GLB1L3: variants seen among roughly 807,000 people sequenced by gnomAD.
GLB1L3 encodes beta-galactosidase-1-like protein 3.
A neutral mutation model predicts 89.5 loss-of-function variants in GLB1L3; 89 were observed. The ratio of observed to expected loss-of-function variants is 0.99; its 90% CI spans 0.84 to 1.19. The LOEUF (loss-of-function observed/expected upper bound fraction) is 1.19, where lower values mean the gene tolerates loss of function less well. Ranked by LOEUF, GLB1L3 falls within the 50% of genes most tolerant of loss-of-function variation. GLB1L3 has a pLI of 0.00. For synonymous variants in GLB1L3, 314 were observed against 312.3 expected (o/e 1.01, Z -0.06); for missense variants, 812 against 813.3 (o/e 1.00, Z 0.02).
intron 5 of GLB1L3, 43 bp from the exon 6 acceptor site, chr11:134,283,694 C>A: frequency 1.7e-6 from 2 of 1,203,256 alleles, no homozygotes; most frequent in South Asian, 1.3e-5. Flanking sequence ...GCTTCCCTCT[C>A]CCAACCCGTC....
chr11:134,298,045 A>C (rs904396221), intron 9 of GLB1L3, among the ~76,000 whole-genome samples: 1 of 151,840 alleles, frequency 6.6e-6, no homozygotes, highest in African/African-American at 2.4e-5. Flanking sequence ...GTTTCTGATG[A>C]GAAGTCAGTA....
chr11:134,308,631 C>CCACCAT (rs1565414793), intron 10 of GLB1L3, among the ~76,000 whole-genome samples: 94 of 136,496 alleles, frequency 6.9e-4, no homozygotes, highest in Non-Finnish European at 1.4e-3. Flanking sequence ...ACCACCATCA[C>CCACCAT]CATCAACACC....
intron 10 of GLB1L3, among the ~76,000 whole-genome samples, chr11:134,308,484 C>T (rs1315521083): frequency 1.3e-3 from 10 of 7,562 alleles, no homozygotes; most frequent in Non-Finnish European, 2.5e-3. Flanking sequence ...ATACCACCAC[C>T]ACCATCACCA....
At chr11:134,303,439 A>G (rs1254237977) in intron 9 of GLB1L3, among the ~76,000 whole-genome samples, 6 of 152,086 alleles carry the variant, frequency 3.9e-5, no homozygotes, top group Non-Finnish European at 5.9e-5. Flanking sequence ...GCTTCTTTTT[A>G]TGGATTCGAC....
intron 5 of GLB1L3, 63 bp from the exon 6 acceptor site, chr11:134,283,674 G>A (rs970986507): frequency 1.1e-6 from 1 of 911,908 alleles, no homozygotes; most frequent in Non-Finnish European, 1.7e-6. Context: ...GCAGCTCTGA[G>A]CCCACTCCTG....
At chr11:134,284,645 C>T (rs949664601) in intron 6 of GLB1L3, among the ~76,000 whole-genome samples, 5 of 152,094 alleles carry the variant, frequency 3.3e-5, no homozygotes, top group Non-Finnish European at 7.4e-5. Flanking sequence ...AAGAGAATCA[C>T]TTGAACCTGG....
At position 134,314,402 on chromosome 11, in the gene GLB1L3, G is replaced by A; in HGVS notation, c.1740G>A (p.Lys580=). 6.4e-7 allele frequency: 1 copy of A among 1,551,698 alleles called. No individual in the cohort carries two copies. Among genetic ancestry groups the A allele is most frequent in the Non-Finnish European group, 8.7e-7 (1 of 1,146,988 alleles). ...CGGCCTTCTACTGTGGGACCTTGAA[G>A]GCTGGCCCTTCTCCCAAGGACACCT... ...QGPAFYCGTL[K]AGPSPKDTFL... is the part of the protein sequence containing the mutation. The change falls in exon 18 of 20, where the codon AAG becomes AAA. Residue 580 remains lysine, a synonymous_variant. Coordinates refer to ENST00000431683, the MANE Select transcript of GLB1L3 (RefSeq NM_001080407.3).
rs148979023 is a variant in GLB1L3 at position 134,283,775 on chromosome 11, C to G, written c.566C>G (p.Thr189Ser). The change falls in exon 6 of 20, where the codon ACC becomes AGC. Residue 189 changes from threonine to serine, a missense_variant. Transcript: ENST00000431683. Reference sequence around the variant, plus strand: ...GACCCCCGGTTACTGTTGAGGACAACCAACAAGAGCTTCATTGAAGCAGTT... The same window carrying G: ...GACCCCCGGTTACTGTTGAGGACAAGCAACAAGAGCTTCATTGAAGCAGTT... ...LQDPRLLLRT[T>S]NKSFIEAVEK... 91 of 1,612,960 alleles carry G rather than the reference C, an allele frequency of 5.6e-5. No homozygotes were observed. The African/African-American group carries it at 1.0e-3, about 18-fold the overall frequency.
chr11:134,313,440 C>A lies in GLB1L3; in HGVS notation c.1545C>A (p.Val515=). Residue 515 remains valine (V), a synonymous_variant, in exon 16 of 20, where the codon GTC becomes GTA. Coordinates refer to ENST00000431683, the MANE Select transcript of GLB1L3 (RefSeq NM_001080407.3). Reference sequence around the variant, plus strand: ...TCCTGGTGGAGAATCAAGGACGAGTCAATTTTTCATGGCAAATACAGAATG... The same window carrying A: ...TCCTGGTGGAGAATCAAGGACGAGTAAATTTTTCATGGCAAATACAGAATG... The part of the protein sequence containing the change: ...LRILVENQGR[V]NFSWQIQNEQ... 1.3e-6 allele frequency: 2 copies of A among 1,577,800 alleles called. No individual in the cohort carries two copies. The highest frequency in any genetic ancestry group is 1.8e-5 in the Admixed American group (1 of 55,170).
intron 6 of GLB1L3, among the ~76,000 whole-genome samples, chr11:134,285,951 C>T (rs1940963225): frequency 6.6e-6 from 1 of 150,690 alleles, no homozygotes; most frequent in African/African-American, 2.4e-5. Flanking sequence ...CTCTGTTGCC[C>T]AGGCTGGAGT....
At chr11:134,294,256 T>C (rs1941514502) in intron 9 of GLB1L3, among the ~76,000 whole-genome samples, 1 of 152,046 alleles carries the variant, frequency 6.6e-6, no homozygotes, top group South Asian at 2.1e-4. Flanking sequence ...TTGGTAGAGA[T>C]GGGGTTTCAC....
At chr11:134,310,816 A>AT (rs1271051316) in intron 12 of GLB1L3, 165 bp downstream of exon 12, 17 of 630,292 alleles carry the variant, frequency 2.7e-5, no homozygotes, top group Admixed American at 8.8e-5. Flanking sequence ...AATCTGTGTG[A>AT]TTTTTTAAAA....
At chr11:134,319,995 G>A (rs1457707655), downstream of GLB1L3, among the ~76,000 whole-genome samples, 1 of 151,934 alleles carries the variant, frequency 6.6e-6, no homozygotes, top group East Asian at 1.9e-4. Context: ...ACTGATAGTG[G>A]GTAGGCATTA....
chr11:134,279,086 G>GT, intron 3 of GLB1L3, among the ~76,000 whole-genome samples: 1 of 152,114 alleles, frequency 6.6e-6, no homozygotes, highest in East Asian at 1.9e-4. Context: ...TTCTTGTCCA[G>GT]TTTTGAATCA....
chr11:134,286,785 A>C (rs904481823), intron 6 of GLB1L3, among the ~76,000 whole-genome samples: 1 of 149,896 alleles, frequency 6.7e-6, no homozygotes, highest in African/African-American at 2.5e-5. Context: ...TCAAAAAATA[A>C]ATAAATACAT....
At chr11:134,312,958 A>G (rs1353751978) in intron 15 of GLB1L3, 71 bp downstream of exon 15, 1 of 1,092,266 alleles carries the variant, frequency 9.2e-7, no homozygotes, top group Non-Finnish European at 1.4e-6. Flanking sequence ...GTCCTGAGAC[A>G]GTCAGCCTCC....
intron 5 of GLB1L3, among the ~76,000 whole-genome samples, chr11:134,282,328 C>G (rs959417570): frequency 6.6e-6 from 1 of 152,036 alleles, no homozygotes; most frequent in African/African-American, 2.4e-5. Flanking sequence ...TTGTCATCCC[C>G]GATTCACAGA....
At chr11:134,300,524 CG>C (rs1187406102) in intron 9 of GLB1L3, among the ~76,000 whole-genome samples, 3 of 151,930 alleles carry the variant, frequency 2.0e-5, no homozygotes, top group East Asian at 3.9e-4. Flanking sequence ...TTAGTAGAGA[CG>C]GGGTTTCACC....
chr11:134,307,322 A>G, intron 10 of GLB1L3, 114 bp downstream of exon 10: 1 of 742,996 alleles, frequency 1.3e-6, no homozygotes, highest in Admixed American at 2.6e-5. Flanking sequence ...ATATTCATGC[A>G]ACTTTTCACA....
Sources: gnomAD v4.1 joint callset for allele counts (sites outside exome capture counted in the v4.1 genomes callset) on GRCh38, gnomAD v4.1.1 for gene constraint, MANE v1.5 for transcripts, NCBI Gene and HGNC (gene_info 2026-07-23, HGNC 2026-07-21) for gene names.